The following ZC3HAV1 variants were observed in gnomAD, a reference collection of about 807,000 sequenced individuals.
The protein encoded by ZC3HAV1 is zinc finger CCCH-type antiviral protein 1.
Under a neutral mutation model 86.6 loss-of-function variants are expected in ZC3HAV1, and 41 were observed. The ratio of observed to expected loss-of-function variants is 0.47; its 90% CI spans 0.37 to 0.61. The LOEUF (loss-of-function observed/expected upper bound fraction) is 0.61. ZC3HAV1 is among the 20% of genes least tolerant of loss of function. ZC3HAV1 has a pLI of 0.00. For synonymous variants in ZC3HAV1, 421 were observed against 432.1 expected, an observed-to-expected ratio of 0.97 and a Z score of 0.32; for missense variants, 964 against 1,141.1, an observed-to-expected ratio of 0.84 and a Z score of 2.24.
chr7:139,097,401 C>CATATATATATATATATATATAT (rs1183885767), intron 1 of ZC3HAV1, among the ~76,000 whole-genome samples: 22 of 63,856 alleles, frequency 3.4e-4, no homozygotes, highest in East Asian at 1.8e-3. Context: ...ATTGGAACTC[C>CATATATATATATATATATATAT]ATATATATAT....
chr7:139,097,410 A>ATTTTT (rs1563140546), intron 1 of ZC3HAV1, among the ~76,000 whole-genome samples: 5 of 73,118 alleles, frequency 6.8e-5, no homozygotes, highest in Non-Finnish European at 7.3e-5. Flanking sequence ...CCATATATAT[A>ATTTTT]TATATATATA....
At chr7:139,088,377 G>A (rs990061953) in intron 2 of ZC3HAV1, among the ~76,000 whole-genome samples, 1 of 152,200 alleles carries the variant, frequency 6.6e-6, no homozygotes, top group Non-Finnish European at 1.5e-5. Flanking sequence ...AGTGTGACAT[G>A]TAATAATCTC....
intron 8 of ZC3HAV1, among the ~76,000 whole-genome samples, chr7:139,062,480 T>C (rs1215950118): frequency 6.6e-6 from 1 of 152,230 alleles, no homozygotes; most frequent in Admixed American, 6.5e-5. Flanking sequence ...GCTGTCCCAC[T>C]GACTCCTCCA....
At chr7:139,102,170 A>G (rs1247148715) in intron 1 of ZC3HAV1, among the ~76,000 whole-genome samples, 1 of 152,144 alleles carries the variant, frequency 6.6e-6, no homozygotes, top group African/African-American at 2.4e-5. Context: ...GTCTCATTCT[A>G]TTGCCCAGGC....
chr7:139,051,396 A>G (rs890751353), intron 12 of ZC3HAV1, among the ~76,000 whole-genome samples: 2 of 148,906 alleles, frequency 1.3e-5, no homozygotes, highest in Non-Finnish European at 3.0e-5. Flanking sequence ...CAACATTTGC[A>G]ATCATTTAAT....
At chr7:139,092,500 G>A (rs527947615) in intron 1 of ZC3HAV1, among the ~76,000 whole-genome samples, 9 of 152,348 alleles carry the variant, frequency 5.9e-5, no homozygotes, top group African/African-American at 2.2e-4. Flanking sequence ...CCTGAACTTA[G>A]AGCCAAGCCT....
chr7:139,069,970 A>G (rs375367818), intron 7 of ZC3HAV1, among the ~76,000 whole-genome samples: 5 of 152,306 alleles, frequency 3.3e-5, no homozygotes, highest in Admixed American at 1.3e-4. Context: ...TTGGACCACA[A>G]TGCATTGATC....
chr7:139,059,160 C>T (rs1027951475), intron 9 of ZC3HAV1, among the ~76,000 whole-genome samples: 1 of 152,202 alleles, frequency 6.6e-6, no homozygotes, highest in Non-Finnish European at 1.5e-5. Context: ...AGCCCCTCCC[C>T]ATCCTCCTAC....
At chr7:139,098,093 C>T (rs373948620) in intron 1 of ZC3HAV1, among the ~76,000 whole-genome samples, 11 of 152,020 alleles carry the variant, frequency 7.2e-5, no homozygotes, top group East Asian at 5.8e-4. Flanking sequence ...TACAAGTGCA[C>T]GCCACCATGC....
intron 9 of ZC3HAV1, among the ~76,000 whole-genome samples, chr7:139,060,157 C>T (rs1270398736): frequency 6.6e-6 from 1 of 152,172 alleles, no homozygotes; most frequent in Non-Finnish European, 1.5e-5. Context: ...TAGATTCTTG[C>T]GAGTTGTTTT....
intron 10 of ZC3HAV1, 24 bp downstream of exon 10, chr7:139,055,181 C>A: frequency 6.3e-7 from 1 of 1,592,240 alleles, no homozygotes; most frequent in South Asian, 1.1e-5. Flanking sequence ...CAGACTCATC[C>A]ACCAAACATG....
At chr7:139,050,716 G>A (rs1816096808) in intron 12 of ZC3HAV1, among the ~76,000 whole-genome samples, 1 of 152,060 alleles carries the variant, frequency 6.6e-6, no homozygotes, top group Non-Finnish European at 1.5e-5. Context: ...TTCTAACATA[G>A]GATAGACCTG....
chr7:139,080,957 T>C (rs1201352375), intron 3 of ZC3HAV1, among the ~76,000 whole-genome samples: 2 of 152,138 alleles, frequency 1.3e-5, no homozygotes, highest in East Asian at 3.8e-4. Flanking sequence ...AAGCTGGAAA[T>C]TTTTCCAGTT....
chr7:139,075,614 A>G (rs1479367239), intron 6 of ZC3HAV1, among the ~76,000 whole-genome samples: 3 of 151,954 alleles, frequency 2.0e-5, no homozygotes, highest in Admixed American at 1.3e-4. Context: ...TAGTTTTTGT[A>G]TTGTTGGTAG....
chr7:139,093,168 T>G (rs937942730), intron 1 of ZC3HAV1, among the ~76,000 whole-genome samples: 2 of 151,930 alleles, frequency 1.3e-5, no homozygotes, highest in Non-Finnish European at 2.9e-5. Context: ...AAATCAAAGG[T>G]GACAGATAAG....
Position 139,109,445 on chromosome 7 carries a change from G to T in ZC3HAV1, c.-114C>A, listed in dbSNP as rs1169269188. Reference sequence around the variant, plus strand: ...CGCGGGCGGTGCTACTGCTGGGCGCGCCCGGAGTCAGCGAGGGCGCGCTCT... The same window carrying T: ...CGCGGGCGGTGCTACTGCTGGGCGCTCCCGGAGTCAGCGAGGGCGCGCTCT... On this transcript the variant is annotated 5_prime_UTR_variant, in exon 1 of 13. Transcript: ENST00000242351. 1 of 1,339,058 alleles carries T rather than the reference G, an allele frequency of 7.5e-7. No homozygotes were observed. 82.9% of individuals were successfully genotyped at this position (1,339,058 alleles called of 1,614,324 possible). A position where few individuals can be genotyped will look rare whatever the true frequency, so the allele number is the denominator to read the frequency against.
chr7:139,054,106 T>G lies in ZC3HAV1; in HGVS notation c.2188-11A>C, dbSNP rs1816214833. ...ATGGATCTCTGACAACTAATAAAGT[T>G]TAAAAATAGATAAATGTGAAATAGG... On this transcript the variant is annotated splice_polypyrimidine_tract_variant and intron_variant, in intron 10 of 12. Transcript: ENST00000242351. 1 of 1,555,740 alleles carries G rather than the reference T, an allele frequency of 6.4e-7. No homozygotes were observed. The highest frequency in any genetic ancestry group is 1.4e-5 in the African/African-American group (1 of 70,936).
chr7:139,081,122 G>A (rs971385500), intron 3 of ZC3HAV1, among the ~76,000 whole-genome samples: 9 of 152,120 alleles, frequency 5.9e-5, no homozygotes, highest in Non-Finnish European at 1.0e-4. Context: ...GTTTGTGAGC[G>A]CGTGTGGAGT....
At chr7:139,062,977 C>T (rs1816488333) in intron 8 of ZC3HAV1, among the ~76,000 whole-genome samples, 1 of 138,742 alleles carries the variant, frequency 7.2e-6, no homozygotes, top group Non-Finnish European at 1.5e-5. Flanking sequence ...TGCAGTGAGC[C>T]GAGATTGCGC....
Sources: gnomAD v4.1 joint callset for allele counts (sites outside exome capture counted in the v4.1 genomes callset) on GRCh38, gnomAD v4.1.1 for gene constraint, MANE v1.5 for transcripts, NCBI Gene and HGNC (gene_info 2026-07-23, HGNC 2026-07-21) for gene names.